The following SPATA6 variants were observed in gnomAD, a reference collection of about 807,000 sequenced individuals.
The protein encoded by SPATA6 is spermatogenesis associated 6.
A neutral mutation model predicts 65.3 loss-of-function variants in SPATA6; 56 were observed. That is an observed-to-expected ratio of 0.86 (90% CI 0.69 to 1.07). The LOEUF is 1.07. Among genes scored for constraint, SPATA6 ranks in the 50% least tolerant of loss-of-function variants. SPATA6 has a pLI of 0.00. For missense variants in SPATA6, 590 were observed against 594.8 expected (o/e 0.99, Z 0.08); for synonymous variants, 199 against 213.2 (o/e 0.93, Z 0.58).
chr1:48,313,702 A>T (rs954344044), intron 11 of SPATA6, among the ~76,000 whole-genome samples: 19 of 152,296 alleles, frequency 1.2e-4, no homozygotes, highest in Non-Finnish European at 2.2e-4. Context: ...CCATATTAAC[A>T]TTAAATGTAA....
intron 3 of SPATA6, among the ~76,000 whole-genome samples, chr1:48,417,739 G>A (rs560114825): frequency 3.2e-4 from 48 of 152,074 alleles, no homozygotes; most frequent in South Asian, 2.7e-3. Flanking sequence ...CAGGAGAATC[G>A]CTTGAACCTG....
intron 11 of SPATA6, among the ~76,000 whole-genome samples, chr1:48,314,170 T>G (rs373772035): frequency 6.6e-6 from 1 of 152,144 alleles, no homozygotes; most frequent in East Asian, 1.9e-4. Flanking sequence ...GGAATTGAAC[T>G]CAGCTCTGCA....
At chr1:48,278,218 C>T in the SPATA6 span, among the ~76,000 whole-genome samples, 1 of 103,088 alleles carries the variant, frequency 9.7e-6, no homozygotes, top group South Asian at 3.4e-4. Flanking sequence ...TAGATAAAAC[C>T]ACAAAGATGG....
At chr1:48,282,862 T>G in the SPATA6 span, among the ~76,000 whole-genome samples, 1 of 152,152 alleles carries the variant, frequency 6.6e-6, no homozygotes, top group African/African-American at 2.4e-5. Flanking sequence ...TAAATCATGC[T>G]GCTATAAAGA....
chr1:48,313,750 A>C (rs971133194), intron 11 of SPATA6, among the ~76,000 whole-genome samples: 11 of 152,204 alleles, frequency 7.2e-5, no homozygotes, highest in African/African-American at 2.7e-4. Flanking sequence ...ACAGACTGGC[A>C]AACTGGATAA....
chr1:48,325,922 A>G (rs1402120125), intron 11 of SPATA6: 1 of 293,270 alleles, frequency 3.4e-6, no homozygotes, highest in Non-Finnish European at 7.1e-6. Flanking sequence ...TGGATCCAAG[A>G]GCAAGACTGG....
intron 3 of SPATA6, among the ~76,000 whole-genome samples, chr1:48,449,192 A>G (rs964887599): frequency 3.9e-5 from 6 of 152,190 alleles, no homozygotes; most frequent in African/African-American, 1.4e-4. Flanking sequence ...CAAAAGAATG[A>G]CAATATTAGA....
intron 11 of SPATA6, among the ~76,000 whole-genome samples, chr1:48,314,582 G>C (rs1007328949): frequency 6.6e-5 from 10 of 152,138 alleles, no homozygotes; most frequent in Non-Finnish European, 8.8e-5. Flanking sequence ...GCCCACAAGA[G>C]AAAGCAGGAA....
At chr1:48,349,110 T>G (rs916974299) in intron 11 of SPATA6, among the ~76,000 whole-genome samples, 2 of 152,018 alleles carry the variant, frequency 1.3e-5, no homozygotes, top group Non-Finnish European at 2.9e-5. Context: ...ATAGAATATT[T>G]TATGAAAATT....
At chr1:48,384,738 CAGAG>C (rs995540802) in intron 9 of SPATA6, among the ~76,000 whole-genome samples, 1 of 152,106 alleles carries the variant, frequency 6.6e-6, no homozygotes, top group African/African-American at 2.4e-5. Context: ...TTTTAAGAAA[CAGAG>C]AGCATGTCTC....
rs1644811555 is a variant in SPATA6 at position 48,296,269 on chromosome 1, G to C, written c.*2444C>G. The stretch of plus-strand genomic sequence containing the variant: ...ACTCTTTAAAAACAATACAGCATAA[G>C]CACTCATAGTAGTAGTTACAGCAAC... On this transcript the variant is annotated 3_prime_UTR_variant, in exon 13 of 13. Coordinates refer to ENST00000371847, the MANE Select transcript of SPATA6 (RefSeq NM_019073.4). 2 of 151,988 alleles carry C rather than the reference G, an allele frequency of 1.3e-5. No individual in the cohort carries two copies. The highest frequency in any genetic ancestry group is 4.8e-5 in the African/African-American group (2 of 41,420). 9.4% of individuals were successfully genotyped at this position (151,988 alleles called of 1,614,324 possible).
rs1051427121 is a variant in SPATA6 at position 48,297,346 on chromosome 1, GAA to G, written c.*1365_*1366del. On this transcript the variant is annotated 3_prime_UTR_variant, in exon 13 of 13. Coordinates refer to ENST00000371847, the MANE Select transcript of SPATA6 (RefSeq NM_019073.4). The stretch of plus-strand genomic sequence containing the variant: ...TCTGAGAATTAAATAGACTCAGCTA[GAA>G]AACGGCAGACATGGGATACTAAAGC... 2.0e-5 allele frequency: 3 copies of G among 152,084 alleles called. No homozygotes were observed. Among genetic ancestry groups the G allele is most frequent in the African/African-American group, 7.2e-5 (3 of 41,426 alleles). 9.4% of individuals were successfully genotyped at this position (152,084 alleles called of 1,614,324 possible).
At chr1:48,426,214 G>A (rs1490219111) in intron 3 of SPATA6, among the ~76,000 whole-genome samples, 1 of 152,240 alleles carries the variant, frequency 6.6e-6, no homozygotes, top group South Asian at 2.1e-4. Flanking sequence ...TAAAGGACCT[G>A]GAAAGATAAT....
chr1:48,423,571 T>C (rs796421427), intron 3 of SPATA6, among the ~76,000 whole-genome samples: 75 of 146,874 alleles, frequency 5.1e-4, no homozygotes, highest in Admixed American at 2.6e-3. Flanking sequence ...TTTCTTTTTT[T>C]TTTTTTTTTT....
chr1:48,400,906 G>A, intron 6 of SPATA6: 1 of 995,612 alleles, frequency 1.0e-6, no homozygotes, highest in South Asian at 1.9e-5. Context: ...CCATCTCTGT[G>A]ACATCACAGA....
At chr1:48,317,505 C>G (rs1645470522) in intron 11 of SPATA6, among the ~76,000 whole-genome samples, 1 of 150,740 alleles carries the variant, frequency 6.6e-6, no homozygotes, top group Non-Finnish European at 1.5e-5. Flanking sequence ...GGAAGGGGAA[C>G]ATCACACACT....
intron 11 of SPATA6, among the ~76,000 whole-genome samples, chr1:48,337,567 T>A (rs1425286374): frequency 6.6e-6 from 1 of 151,674 alleles, no homozygotes; most frequent in African/African-American, 2.4e-5. Context: ...AGTGGGAGAT[T>A]TAAAACTATC....
At chr1:48,288,032 A>G in the SPATA6 span, among the ~76,000 whole-genome samples, 1 of 152,220 alleles carries the variant, frequency 6.6e-6, no homozygotes, top group Non-Finnish European at 1.5e-5. Flanking sequence ...AATTTTGTCA[A>G]GTACCTTTTC....
At chr1:48,426,573 A>G (rs1653858738) in intron 3 of SPATA6, among the ~76,000 whole-genome samples, 2 of 152,212 alleles carry the variant, frequency 1.3e-5, no homozygotes, top group African/African-American at 2.4e-5. Context: ...TTTGAACACT[A>G]CATACGGAAG....
Sources: gnomAD v4.1 joint callset for allele counts (sites outside exome capture counted in the v4.1 genomes callset) on GRCh38, gnomAD v4.1.1 for gene constraint, MANE v1.5 for transcripts, NCBI Gene and HGNC (gene_info 2026-07-23, HGNC 2026-07-21) for gene names.